Variants in PAXIP1 observed in about 807,000 individuals in gnomAD.
PAXIP1 encodes PAX-interacting protein 1.
In PAXIP1, 19 loss-of-function variants were observed where a neutral mutation model predicts 140.6. The ratio of observed to expected loss-of-function variants is 0.14; its 90% confidence interval spans 0.09 to 0.20. PAXIP1 has a LOEUF of 0.20. Ranked by LOEUF, PAXIP1 falls within the 10% of genes least tolerant of loss-of-function variation. The pLI is 1.00. For missense variants in PAXIP1, 920 were observed against 1,208.6 expected (o/e 0.76, Z 3.54); for synonymous variants, 442 against 444.6 (o/e 0.99, Z 0.07).
chr7:154,949,392 A>T (rs369606152), intron 16 of PAXIP1: 1 of 152,248 alleles, frequency 6.6e-6, no homozygotes, highest in African/African-American at 2.4e-5. Flanking sequence ...TACAAAATCA[A>T]TCCCTGAGTC....
chr7:154,994,502 A>T (rs1309861705), intron 2 of PAXIP1, among the ~76,000 whole-genome samples: 3 of 152,120 alleles, frequency 2.0e-5, no homozygotes, highest in Non-Finnish European at 4.4e-5. Context: ...TCATTCATCA[A>T]ATATTTATTG....
chr7:154,978,095 T>C (rs927381358), intron 5 of PAXIP1, among the ~76,000 whole-genome samples: 1 of 152,214 alleles, frequency 6.6e-6, no homozygotes. Context: ...GGATCTCAAA[T>C]TGATAAAGAC....
chr7:154,954,508 T>G lies in PAXIP1; in HGVS notation c.2653-85A>C. 5.4e-5 allele frequency: 48 copies of G among 893,206 alleles called. No homozygotes were observed. Among genetic ancestry groups the G allele is most frequent in the Non-Finnish European group, 6.9e-5 (45 of 655,562 alleles). The allele number at this position is 893,206 out of a possible 1,614,324, so 55.3% of individuals were successfully genotyped here. The stretch of plus-strand genomic sequence containing the variant: ...ACACAGAGTAACACAGAGGAATATC[T>G]ACCTAAAGACAAGGTTTATGACTGT... On this transcript the variant is annotated intron_variant, in intron 15 of 20. Coordinates refer to ENST00000404141, the MANE Select transcript of PAXIP1 (RefSeq NM_007349.4). This position sits in a 1 kb window ranked among gnomAD's most constrained non-coding sequence, Gnocchi z 5.1.
At chr7:154,969,978 T>C (rs1809220645) in intron 6 of PAXIP1, among the ~76,000 whole-genome samples, 2 of 152,200 alleles carry the variant, frequency 1.3e-5, no homozygotes, top group African/African-American at 4.8e-5. Flanking sequence ...TGCTTCACAA[T>C]GACAGGGAAT....
Position 154,954,108 on chromosome 7 carries a change from G to A in PAXIP1, c.2821+147C>T, listed in dbSNP as rs1808404853. 1 of 532,258 alleles carries A rather than the reference G, an allele frequency of 1.9e-6. No homozygotes were observed. The highest frequency in any genetic ancestry group is 3.5e-5 in the East Asian group (1 of 28,892). 33.0% of individuals were successfully genotyped at this position (532,258 alleles called of 1,614,324 possible). On this transcript the variant is annotated intron_variant, in intron 16 of 20. Transcript: ENST00000404141. This position sits in a 1 kb window ranked among gnomAD's most constrained non-coding sequence, Gnocchi z 5.1. ...AAAGACATCAATCAAAGGAATCACT[G>A]GGGATATGAAATAAATTTTTAAATT...
At chr7:154,988,493 A>G (rs1810175555) in intron 4 of PAXIP1, among the ~76,000 whole-genome samples, 1 of 152,248 alleles carries the variant, frequency 6.6e-6, no homozygotes, top group South Asian at 2.1e-4. Flanking sequence ...CATAACTATT[A>G]GTTCTTTGGA....
At chr7:154,958,573 T>C (rs936327300) in intron 13 of PAXIP1, among the ~76,000 whole-genome samples, 1 of 152,202 alleles carries the variant, frequency 6.6e-6, no homozygotes, top group East Asian at 1.9e-4. Flanking sequence ...TATTATAGCC[T>C]TTATAAGAAA....
intron 10 of PAXIP1, 31 bp from the exon 11 acceptor site, chr7:154,961,679 C>G (rs964590208): frequency 2.0e-6 from 3 of 1,531,788 alleles, no homozygotes; most frequent in Non-Finnish European, 2.6e-6. Context: ...AAGGTAAACA[C>G]AAAATAAGCA....
At chr7:154,984,952 A>G (rs1810003863) in intron 4 of PAXIP1, among the ~76,000 whole-genome samples, 1 of 152,200 alleles carries the variant, frequency 6.6e-6, no homozygotes, top group Non-Finnish European at 1.5e-5. Context: ...TGCTGTGGAA[A>G]GAACATCAGC....
At position 154,957,128 on chromosome 7, in the gene PAXIP1, T is replaced by C. The variant is rs1455105845; in HGVS notation, c.2549+96A>G. The C allele has an allele frequency of 4.8e-6, 3 of 627,410 alleles. No individual in the cohort carries two copies. The African/African-American group carries it at 5.6e-5, about 12-fold the overall frequency. The allele number at this position is 627,410 out of a possible 1,614,324, so 38.9% of individuals were successfully genotyped here. A position where few individuals can be genotyped will look rare whatever the true frequency, so the allele number is the denominator to read the frequency against. On this transcript the variant is annotated intron_variant, in intron 14 of 20. Coordinates refer to ENST00000404141, the MANE Select transcript of PAXIP1 (RefSeq NM_007349.4). ...GCAAACTCTTTCAAATCTTATTTAC[T>C]GCAAAACATTTTAGAAACTTTCCTC...
intron 5 of PAXIP1, 94 bp downstream of exon 5, chr7:154,983,125 T>A: frequency 4.8e-6 from 3 of 627,854 alleles, no homozygotes; most frequent in Non-Finnish European, 8.4e-6. Context: ...AAATGAAATA[T>A]AATAACTAAT....
chr7:154,956,168 C>T lies in PAXIP1; in HGVS notation c.2550-537G>A, dbSNP rs1035689135. 1.3e-5 allele frequency among the ~76,000 whole-genome samples: 2 copies of T among 152,120 alleles called. No individual in the cohort carries two copies. The highest frequency in any genetic ancestry group is 4.8e-5 in the African/African-American group (2 of 41,414). ...AAAAACGTGGCTCTGCTCAAGCACA[C>T]GTTTTAAATTAAACCTTTTTGTTTT... On this transcript the variant is annotated intron_variant, in intron 14 of 20. Transcript: ENST00000404141. The surrounding 1 kb of genome is among the most constrained non-coding windows in gnomAD (Gnocchi z 4.2).
chr7:154,962,701 A>G, intron 9 of PAXIP1: 1 of 346,708 alleles, frequency 2.9e-6, no homozygotes, highest in Non-Finnish European at 5.3e-6. Flanking sequence ...ATTCTACAAC[A>G]ACCTTAAAAA....
chr7:154,982,183 G>A (rs1198410524), intron 5 of PAXIP1, among the ~76,000 whole-genome samples: 2 of 152,256 alleles, frequency 1.3e-5, no homozygotes, highest in Middle Eastern at 3.4e-3. Flanking sequence ...TGGAAAATAT[G>A]TTTTTTACTT....
intron 4 of PAXIP1, chr7:154,985,937 G>T: frequency 8.9e-7 from 1 of 1,122,944 alleles, no homozygotes; most frequent in Non-Finnish European, 1.2e-6. Context: ...AGAATGGAAA[G>T]GACTTTTTAG....
chr7:154,998,822 A>G, intron 1 of PAXIP1, 38 bp from the exon 2 acceptor site: 1 of 1,569,348 alleles, frequency 6.4e-7, no homozygotes, highest in Non-Finnish European at 8.7e-7. Context: ...TAAAATGGGC[A>G]ATACTGTACT....
Position 154,954,924 on chromosome 7 carries a change from A to C in PAXIP1, c.2653-501T>G, listed in dbSNP as rs1421546552. On this transcript the variant is annotated intron_variant, in intron 15 of 20. Transcript: ENST00000404141. This position sits in a 1 kb window ranked among gnomAD's most constrained non-coding sequence, Gnocchi z 5.1. The stretch of plus-strand genomic sequence containing the variant: ...AGAAATTAATTTGTTCTAAATGTAT[A>C]ATACTAGCATTTATAATTGTTTCTT... 6.6e-6 allele frequency among the ~76,000 whole-genome samples: 1 copy of C among 152,240 alleles called. No homozygotes were observed. Among genetic ancestry groups the C allele is most frequent in the Non-Finnish European group, 1.5e-5 (1 of 68,048 alleles).
intron 12 of PAXIP1, 21 bp downstream of exon 12, chr7:154,960,872 A>C: frequency 6.7e-7 from 1 of 1,498,824 alleles, no homozygotes; most frequent in Non-Finnish European, 9.0e-7. Context: ...TAAGATTTGC[A>C]GCATGTAGAA....
At position 154,991,086 on chromosome 7, in the gene PAXIP1, A is replaced by C; in HGVS notation, c.261-17T>G. 1 of 1,387,190 alleles carries C rather than the reference A, an allele frequency of 7.2e-7. No individual in the cohort carries two copies. The highest frequency in any genetic ancestry group is 2.5e-5 in the East Asian group (1 of 39,726). The allele number at this position is 1,387,190 out of a possible 1,614,324, so 85.9% of individuals were successfully genotyped here. A position where few individuals can be genotyped will look rare whatever the true frequency, so the allele number is the denominator to read the frequency against. The stretch of plus-strand genomic sequence containing the variant: ...CCATTTACTCTGTTTTATAGTTATT[A>C]AGATTACAATGAAATAAGATTAGTG... On this transcript the variant is annotated splice_polypyrimidine_tract_variant and intron_variant, in intron 3 of 20. Transcript: ENST00000404141.
Sources: allele counts gnomAD v4.1 joint callset (sites outside exome capture counted in the v4.1 genomes callset), GRCh38; gene constraint gnomAD v4.1.1; non-coding constraint Gnocchi (gnomAD v3.1); transcripts MANE v1.5; gene names NCBI Gene and HGNC (gene_info 2026-07-23, HGNC 2026-07-21).